The following PRKG1 variants were observed in gnomAD, a reference collection of about 807,000 sequenced individuals.
PRKG1 encodes the protein protein kinase cGMP-dependent 1, also known as cGMP-dependent protein kinase 1.
A neutral mutation model predicts 88.1 loss-of-function variants in PRKG1; 35 were observed. That is an observed-to-expected ratio of 0.40 (90% confidence interval 0.30 to 0.53). The LOEUF is 0.53. PRKG1 is among the 20% of genes least tolerant of loss of function. PRKG1 has a pLI of 0.59. For missense variants in PRKG1, 540 were observed against 839.8 expected (o/e 0.64, Z 4.41); for synonymous variants, 303 against 292.5 (o/e 1.04, Z -0.37).
At chr10:51,495,845 T>A (rs1409350) in intron 3 of PRKG1, among the ~76,000 whole-genome samples, 4 of 152,114 alleles carry the variant, frequency 2.6e-5, no homozygotes, top group African/African-American at 7.2e-5. Context: ...TTAAAAGTGA[T>A]GTAGGTATGA....
At chr10:51,964,513 C>T (rs147807029) in intron 5 of PRKG1, among the ~76,000 whole-genome samples, 3 of 152,216 alleles carry the variant, frequency 2.0e-5, no homozygotes, top group African/African-American at 4.8e-5. Context: ...GCCATGTCAT[C>T]GTGACAACAA....
At chr10:51,503,258 GT>G (rs1435834992) in intron 3 of PRKG1, among the ~76,000 whole-genome samples, 1 of 151,878 alleles carries the variant, frequency 6.6e-6, no homozygotes, top group African/African-American at 2.4e-5. Context: ...ATTTCTTTCA[GT>G]TCTTTCCTTT....
chr10:50,996,300 A>G (rs966758089), intron 1 of PRKG1, among the ~76,000 whole-genome samples: 1 of 152,230 alleles, frequency 6.6e-6, no homozygotes, highest in African/African-American at 2.4e-5. Context: ...AGGAAATGCC[A>G]TAAAGTTTCA....
intron 9 of PRKG1, among the ~76,000 whole-genome samples, chr10:52,181,589 C>T (rs929717849): frequency 1.2e-4 from 11 of 89,262 alleles, no homozygotes; most frequent in Non-Finnish European, 2.2e-4. Flanking sequence ...CCCCCTCCCC[C>T]GACCCCACCA....
chr10:51,030,644 T>A (rs1167470352), intron 1 of PRKG1, among the ~76,000 whole-genome samples: 2 of 152,130 alleles, frequency 1.3e-5, no homozygotes, highest in South Asian at 4.1e-4. Context: ...GTTTGGGTCA[T>A]GGGAGGGGAT....
In PRKG1 at chr10:51,239,600, C is replaced by T. The variant is rs74664890; in HGVS notation, c.478+86270C>T. ...AGAGTGAGGATGAGACCTCGGCGCA[C>T]CCCCCTCAACACTAGACAGATCTGC... On this transcript the variant is annotated intron_variant, in intron 2 of 17. Coordinates refer to ENST00000373980, the MANE Select transcript of PRKG1 (RefSeq NM_006258.4). 2.4e-3 allele frequency among the ~76,000 whole-genome samples: 366 copies of T among 152,214 alleles called. 2 individuals carry two copies. Among genetic ancestry groups the T allele is most frequent in the East Asian group, 0.022 (115 of 5,162 alleles).
At chr10:51,714,691 C>T (rs769549335) in intron 3 of PRKG1, among the ~76,000 whole-genome samples, 2 of 152,112 alleles carry the variant, frequency 1.3e-5, no homozygotes, top group South Asian at 2.1e-4. Context: ...CCTGTGGTCA[C>T]TGAAAGACTG....
At chr10:52,091,331 T>TAAAGGGA (rs1159356955) in intron 7 of PRKG1, among the ~76,000 whole-genome samples, 2 of 152,200 alleles carry the variant, frequency 1.3e-5, no homozygotes, top group African/African-American at 2.4e-5. Context: ...CTTGGTTTTT[T>TAAAGGGA]AAAGGGATTG....
intron 3 of PRKG1, among the ~76,000 whole-genome samples, chr10:51,642,930 A>C (rs1049951507): frequency 6.6e-6 from 1 of 152,196 alleles, no homozygotes; most frequent in African/African-American, 2.4e-5. Flanking sequence ...AAGAAAAAAT[A>C]CTGTTTCTAA....
chr10:52,099,994 T>G (rs1847258767), intron 7 of PRKG1, among the ~76,000 whole-genome samples: 1 of 152,220 alleles, frequency 6.6e-6, no homozygotes, highest in Non-Finnish European at 1.5e-5. Flanking sequence ...CTAGTATTCT[T>G]AGAGTAATCT....
At chr10:51,531,371 C>T (rs927973777) in intron 3 of PRKG1, among the ~76,000 whole-genome samples, 4 of 152,126 alleles carry the variant, frequency 2.6e-5, no homozygotes, top group Admixed American at 2.0e-4. Flanking sequence ...AAATAAAACA[C>T]TGAACATAAT....
chr10:51,784,953 A>G (rs1217346257), intron 3 of PRKG1, among the ~76,000 whole-genome samples: 1 of 152,088 alleles, frequency 6.6e-6, no homozygotes, highest in Admixed American at 6.6e-5. Flanking sequence ...AAAGACTATG[A>G]CTAATTAAAA....
chr10:52,182,754 G>C (rs979991430), intron 9 of PRKG1, among the ~76,000 whole-genome samples: 4 of 149,396 alleles, frequency 2.7e-5, no homozygotes, highest in Admixed American at 2.0e-4. Context: ...TAGATATGCG[G>C]CATTATTTCT....
intron 3 of PRKG1, among the ~76,000 whole-genome samples, chr10:51,501,779 A>G (rs1371484626): frequency 6.8e-6 from 1 of 146,610 alleles, no homozygotes; most frequent in Non-Finnish European, 1.5e-5. Flanking sequence ...AAATTCACCC[A>G]ACTTTAGTTT....
intron 3 of PRKG1, among the ~76,000 whole-genome samples, chr10:51,785,373 C>A (rs16923161): frequency 0.047 from 7,148 of 151,830 alleles, 544 homozygotes; most frequent in African/African-American, 0.16. Flanking sequence ...TTACTGTTTC[C>A]TGGTTGGAAT....
intron 3 of PRKG1, among the ~76,000 whole-genome samples, chr10:51,501,772 T>G (rs1841030390): frequency 6.6e-6 from 1 of 150,686 alleles, no homozygotes; most frequent in South Asian, 2.1e-4. Context: ...TGCAAGCAAA[T>G]TCACCCAACT....
At chr10:51,474,417 T>A (rs7086422) in intron 3 of PRKG1, among the ~76,000 whole-genome samples, 39,838 of 151,886 alleles carry the variant, frequency 0.26, 5,383 homozygotes, top group African/African-American at 0.3. Context: ...ATATTAGCAC[T>A]TGGACCCATG....
At chr10:51,170,544 A>G (rs1011021518) in intron 2 of PRKG1, among the ~76,000 whole-genome samples, 42 of 151,882 alleles carry the variant, frequency 2.8e-4, no homozygotes, top group African/African-American at 1.0e-3. Flanking sequence ...TGGGGAAGGA[A>G]TTGCTATGTT....
chr10:52,130,669 C>T (rs1475015554), intron 7 of PRKG1, among the ~76,000 whole-genome samples: 3 of 151,942 alleles, frequency 2.0e-5, no homozygotes, highest in Non-Finnish European at 4.4e-5. Context: ...CTTATGCTGC[C>T]ATGAACAACT....
Sources: allele counts gnomAD v4.1 joint callset (sites outside exome capture counted in the v4.1 genomes callset), GRCh38; gene constraint gnomAD v4.1.1; transcripts MANE v1.5; gene names NCBI Gene and HGNC (gene_info 2026-07-23, HGNC 2026-07-21).